DOCK6: variants seen among roughly 807,000 people sequenced by gnomAD.
The protein encoded by DOCK6 is dedicator of cytokinesis protein 6.
Under a neutral mutation model 230.3 loss-of-function variants are expected in DOCK6, and 167 were observed. The observed-to-expected ratio is 0.73, with a 90% CI of 0.64 to 0.82. The LOEUF is 0.82. DOCK6 is among the 40% of genes least tolerant of loss of function. DOCK6 has a pLI of 0.00. For synonymous variants in DOCK6, 1,148 were observed against 1,185.0 expected (o/e 0.97, Z 0.64); for missense variants, 2,598 against 2,825.8 (o/e 0.92, Z 1.83).
chr19:11,253,754 G>T (rs1456857584), intron 1 of DOCK6, 28 bp from the exon 2 acceptor site: 4 of 1,430,934 alleles, frequency 2.8e-6, no homozygotes, highest in Non-Finnish European at 2.8e-6. Context: ...GGGCCATTGG[G>T]GACGGGAAAA....
In DOCK6 at chr19:11,243,413, G is replaced by T; in HGVS notation, c.1259-28C>A. On this transcript the variant is annotated intron_variant, in intron 11 of 47. Transcript: ENST00000294618. The surrounding 1 kb of genome is among the most constrained non-coding windows in gnomAD (Gnocchi z 6.3). Reference sequence around the variant, plus strand: ...AGGGGAGGGAATGACAATGACAAAAGGGGGACCAAGATGAAACAGGGAGAC... The same window carrying T: ...AGGGGAGGGAATGACAATGACAAAATGGGGACCAAGATGAAACAGGGAGAC... 1 of 1,595,158 alleles carries T rather than the reference G, an allele frequency of 6.3e-7. No homozygotes were observed. Among genetic ancestry groups the T allele is most frequent in the Non-Finnish European group, 8.5e-7 (1 of 1,171,832 alleles).
At chr19:11,251,910 A>G in intron 5 of DOCK6, 1 of 672,484 alleles carries the variant, frequency 1.5e-6, no homozygotes, top group Non-Finnish European at 2.4e-6. Flanking sequence ...CTAGGATGAA[A>G]GCAGAGGACA....
chr19:11,245,490 T>C, intron 9 of DOCK6, 73 bp downstream of exon 9: 1 of 1,424,306 alleles, frequency 7.0e-7, no homozygotes, highest in Non-Finnish European at 9.7e-7. Context: ...TGTATCTGTC[T>C]CATTCTGTGA....
chr19:11,250,280 G>C (rs1420675271), intron 6 of DOCK6, among the ~76,000 whole-genome samples: 4 of 149,906 alleles, frequency 2.7e-5, no homozygotes, highest in Non-Finnish European at 5.9e-5. Flanking sequence ...CAAAGTGCTG[G>C]GATTATAGGT....
At chr19:11,239,224 G>A (rs756428477) in intron 14 of DOCK6, among the ~76,000 whole-genome samples, 9 of 152,186 alleles carry the variant, frequency 5.9e-5, no homozygotes, top group Non-Finnish European at 8.8e-5. Context: ...AAGCCCCCAC[G>A]TGGCAAGTAT....
rs1014481316 is a variant in DOCK6 at position 11,257,475 on chromosome 19, T to C, written c.45-3749A>G. 2.2e-4 allele frequency among the ~76,000 whole-genome samples: 26 copies of C among 117,158 alleles called. No homozygotes were observed. The East Asian group carries it at 5.4e-3, about 24-fold the overall frequency. The allele number at this position is 117,158 out of a possible 152,430, so 76.9% of individuals were successfully genotyped here. On this transcript the variant is annotated intron_variant, in intron 1 of 47. Coordinates refer to ENST00000294618, the MANE Select transcript of DOCK6 (RefSeq NM_020812.4). ...ACTCCAGCCTGGGCTACAGAGACACTGTCTCTTAAAAAAAAAAAAAAAAAA... is the reference window on the plus strand; with the variant it reads ...ACTCCAGCCTGGGCTACAGAGACACCGTCTCTTAAAAAAAAAAAAAAAAAA...
At chr19:11,258,765 CTT>C (rs1045575752) in intron 1 of DOCK6, among the ~76,000 whole-genome samples, 3 of 110,190 alleles carry the variant, frequency 2.7e-5, no homozygotes, top group Admixed American at 1.0e-4. Flanking sequence ...CTTTCTCTCT[CTT>C]TTTTTTTTCT....
At chr19:11,262,290 G>A in intron 1 of DOCK6, 107 bp downstream of exon 1, 1 of 749,716 alleles carries the variant, frequency 1.3e-6, no homozygotes, top group Non-Finnish European at 1.7e-6. Context: ...CCGGGCCGAG[G>A]CGGAAAGGGG....
At chr19:11,210,273 A>C in intron 37 of DOCK6, among the ~76,000 whole-genome samples, 1 of 108,782 alleles carries the variant, frequency 9.2e-6, no homozygotes, top group Admixed American at 9.9e-5. Flanking sequence ...TCACCTGTTC[A>C]TCCCCTCACT....
At chr19:11,237,964 T>C in intron 16 of DOCK6, 81 bp downstream of exon 16, 1 of 1,511,746 alleles carries the variant, frequency 6.6e-7, no homozygotes, top group Non-Finnish European at 9.0e-7. Flanking sequence ...TTCCCATCGA[T>C]GCTGCCTTAT....
Position 11,262,473 on chromosome 19 carries a change from C to T in DOCK6, c.-33G>A. On this transcript the variant is annotated 5_prime_UTR_variant, in exon 1 of 48. Transcript: ENST00000294618. ...GCGTCCCGCCGCCGCCGCCCCGGGC[C>T]CCGGCCCCGCCGCCGCCGCCGCCTC... 1 of 1,129,290 alleles carries T rather than the reference C, an allele frequency of 8.9e-7. No homozygotes were observed. Among genetic ancestry groups the T allele is most frequent in the Non-Finnish European group, 1.1e-6 (1 of 923,532 alleles). The allele number at this position is 1,129,290 out of a possible 1,614,324, so 70.0% of individuals were successfully genotyped here. A position where few individuals can be genotyped will look rare whatever the true frequency, so the allele number is the denominator to read the frequency against.
intron 1 of DOCK6, among the ~76,000 whole-genome samples, chr19:11,258,125 A>G (rs1197758751): frequency 1.3e-5 from 2 of 152,210 alleles, no homozygotes; most frequent in Non-Finnish European, 2.9e-5. Flanking sequence ...CTGACCAAAG[A>G]GGGAAATAAA....
chr19:11,222,591 G>T lies in DOCK6; in HGVS notation c.3240+144C>A. The T allele has an allele frequency of 1.0e-6, 1 of 963,986 alleles. No individual in the cohort carries two copies. The highest frequency in any genetic ancestry group is 1.5e-6 in the Non-Finnish European group (1 of 666,050). 59.7% of individuals were successfully genotyped at this position (963,986 alleles called of 1,614,324 possible). A position where few individuals can be genotyped will look rare whatever the true frequency, so the allele number is the denominator to read the frequency against. On this transcript the variant is annotated intron_variant, in intron 26 of 47. Coordinates refer to ENST00000294618, the MANE Select transcript of DOCK6 (RefSeq NM_020812.4). This position sits in a 1 kb window ranked among gnomAD's most constrained non-coding sequence, Gnocchi z 4.0. The stretch of plus-strand genomic sequence containing the variant: ...GAATGGCAAGAGAGGTGAAGGGTCA[G>T]AAGTCAAAAGTCAAACATAAGGGAT...
chr19:11,237,679 G>A lies in DOCK6; in HGVS notation c.1933C>T (p.Arg645Trp), dbSNP rs747520180. 15 of 1,596,040 alleles carry A rather than the reference G, an allele frequency of 9.4e-6. No homozygotes were observed. The highest frequency in any genetic ancestry group is 1.7e-4 in the Middle Eastern group (1 of 6,056). ...GGTGTCTCCAGGGCAGTGCCCGGCCGGGGCTGGCAGCTGACATGGTAGAAG... is the reference window on the plus strand; with the variant it reads ...GGTGTCTCCAGGGCAGTGCCCGGCCAGGGCTGGCAGCTGACATGGTAGAAG... ...FTFYHVSCQP[R>W]PGTALETPVG... is the part of the protein sequence containing the mutation. Residue 645 changes from arginine to tryptophan, a missense_variant, in exon 17 of 48, where the codon CGG becomes TGG. Physicochemically the swap from Arg to Trp is moderately radical, Grantham distance 101. Transcript: ENST00000294618.
At chr19:11,237,378 T>C (rs1037031455) in intron 18 of DOCK6, 78 bp downstream of exon 18, 2 of 1,531,822 alleles carry the variant, frequency 1.3e-6, no homozygotes, top group Non-Finnish European at 1.8e-6. Context: ...CTCCCAGGAT[T>C]GACAGGAAGG....
At position 11,200,348 on chromosome 19, in the gene DOCK6, G is replaced by A. The variant is rs1441187471; in HGVS notation, c.6061C>T (p.Arg2021Cys). The A allele has an allele frequency of 4.4e-6, 7 of 1,579,114 alleles. No homozygotes were observed. Among genetic ancestry groups the A allele is most frequent in the Admixed American group, 1.8e-5 (1 of 54,682 alleles). The change falls in exon 47 of 48, where the codon CGC (arginine) becomes TGC (cysteine). Residue 2021 changes from arginine (R) to cysteine (C), a missense_variant. Coordinates refer to ENST00000294618, the MANE Select transcript of DOCK6 (RefSeq NM_020812.4). This position sits in a 1 kb window ranked among gnomAD's most constrained non-coding sequence, Gnocchi z 4.3. ...GTGGGTGCCATCAGCTGGGGCAGGC[G>A]CTGGGTAAGCAGGGGCTGCAGAGCC... ...REALQPLLTQ[R>C]LPQLMAPTPP...
At chr19:11,205,074 A>G (rs1160150445) in intron 39 of DOCK6, among the ~76,000 whole-genome samples, 5 of 152,146 alleles carry the variant, frequency 3.3e-5, no homozygotes, top group Admixed American at 6.5e-5. Context: ...ATGTGGTAAT[A>G]TGCCCCTCAC....
chr19:11,260,036 G>A (rs1281912570), intron 1 of DOCK6, among the ~76,000 whole-genome samples: 2 of 151,772 alleles, frequency 1.3e-5, no homozygotes, highest in African/African-American at 2.4e-5. Context: ...TCTAATATTC[G>A]GGTTAATCTG....
rs778227471 is a variant in DOCK6 at position 11,243,090 on chromosome 19, C to T, written c.1449G>A (p.Ser483=). The change falls in exon 13 of 48, where the codon TCG becomes TCA. Residue 483 remains serine, a synonymous_variant. Transcript: ENST00000294618. This position sits in a 1 kb window ranked among gnomAD's most constrained non-coding sequence, Gnocchi z 6.3. ...CAGGACGTAGTCGCCGCAGCAGGGA[C>T]GACGGGCGCCTCATGTCAGCCAGGA... ...FKFLADMRRP[S]SLLRRLRPVT... is the part of the protein sequence containing the mutation. 13 of 1,613,826 alleles carry T rather than the reference C, an allele frequency of 8.1e-6. No homozygotes were observed. The highest frequency in any genetic ancestry group is 3.3e-5 in the Admixed American group (2 of 59,998).
Sources: gnomAD v4.1 joint callset for allele counts (sites outside exome capture counted in the v4.1 genomes callset) on GRCh38, gnomAD v4.1.1 for gene constraint, Gnocchi (gnomAD v3.1) non-coding constraint, MANE v1.5 for transcripts, NCBI Gene and HGNC (gene_info 2026-07-23, HGNC 2026-07-21) for gene names.